The following INF2 variants were observed in gnomAD, a reference collection of about 807,000 sequenced individuals.
INF2 encodes the protein inverted formin-2.
A neutral mutation model predicts 123.5 loss-of-function variants in INF2; 43 were observed. The observed-to-expected ratio is 0.35, with a 90% CI of 0.27 to 0.45. The LOEUF is 0.45. Ranked by LOEUF, INF2 falls within the 20% of genes least tolerant of loss-of-function variation. The probability of loss-of-function intolerance (pLI) is 1.00; values close to 1 mark genes in which losing one functional copy is unlikely to be tolerated. For synonymous variants in INF2, 851 were observed against 745.0 expected (o/e 1.14, Z -2.32); for missense variants, 1,453 against 1,682.7 (o/e 0.86, Z 2.39).
At chr14:104,712,772 C>G in intron 17 of INF2, 56 bp from the exon 18 acceptor site, 2 of 1,541,108 alleles carry the variant, frequency 1.3e-6, no homozygotes, top group South Asian at 2.5e-5. Flanking sequence ...AGGGCCTCAC[C>G]CCGGGTGGTG....
At chr14:104,708,118 A>G (rs1201059472) in intron 8 of INF2, 116 bp downstream of exon 8, 2 of 1,499,424 alleles carry the variant, frequency 1.3e-6, no homozygotes, top group Admixed American at 1.9e-5. Context: ...GTGCGTGGCC[A>G]GGGCAGCCTG....
In INF2 at chr14:104,701,490, TCCAGATGC is replaced by T; in HGVS notation, c.128_135del (p.Gln43LeufsTer100). 6.2e-7 allele frequency: 1 copy of T among 1,604,050 alleles called. No homozygotes were observed. The highest frequency in any genetic ancestry group is 1.1e-5 in the South Asian group (1 of 89,448). ...GACCCCGAGCTGTGCATCCGGCTGC[TCCAGATGC>T]CCTCTGTGGTCAACTACTCCGGCCT... On this transcript the variant is annotated frameshift_variant, in exon 2 of 23. Transcript: ENST00000392634. LOFTEE classifies it high-confidence loss of function.
chr14:104,704,369 A>G (rs1411606219), intron 5 of INF2: 11 of 289,822 alleles, frequency 3.8e-5, no homozygotes, highest in Non-Finnish European at 7.0e-5. Context: ...TACAGGGTAC[A>G]GTGTTCGTCG....
Position 104,703,431 on chromosome 14 carries a change from C to T in INF2, c.644C>T (p.Thr215Ile). The change falls in exon 4 of 23, where the codon ACC (threonine) becomes ATC (isoleucine). Residue 215 changes from threonine to isoleucine, a missense_variant. Transcript: ENST00000392634. ...GGCCCCGAGGACCTGCGCGCGCGCA[C>T]CCAGCTGCGGAACGAGTTTATCGGT... is the stretch of plus-strand genomic sequence containing the variant. The part of the protein sequence containing the change: ...ILGPEDLRAR[T>I]QLRNEFIGLQ... 1.2e-6 allele frequency: 2 copies of T among 1,612,654 alleles called. No homozygotes were observed. The highest frequency in any genetic ancestry group is 1.7e-6 in the Non-Finnish European group (2 of 1,179,940).
intron 6 of INF2, among the ~76,000 whole-genome samples, chr14:104,706,593 C>CT (rs1257478495): frequency 1.3e-5 from 2 of 152,184 alleles, no homozygotes; most frequent in African/African-American, 4.8e-5. Flanking sequence ...TTCCCTGAAC[C>CT]TTGCAGCTCT....
chr14:104,712,148 G>A (rs1022146466), intron 16 of INF2, among the ~76,000 whole-genome samples: 2 of 152,064 alleles, frequency 1.3e-5, no homozygotes, highest in Non-Finnish European at 1.5e-5. Context: ...AGTTCTTCCC[G>A]GGCTCCACCT....
Position 104,704,356 on chromosome 14 carries a change from A to T in INF2, c.701+407A>T, listed in dbSNP as rs1595167479. The T allele has an allele frequency of 8.4e-6, 3 of 358,206 alleles. No homozygotes were observed. In the South Asian group the frequency reaches 1.0e-4, roughly 12 times the overall value. 22.2% of individuals were successfully genotyped at this position (358,206 alleles called of 1,614,324 possible). On this transcript the variant is annotated intron_variant, in intron 5 of 22. Transcript: ENST00000392634. ...GCTCCAGGGCGAGAGTTGAAAAACTACCTACAGGGTACAGTGTTCGTCGCT... is the reference window on the plus strand; with the variant it reads ...GCTCCAGGGCGAGAGTTGAAAAACTTCCTACAGGGTACAGTGTTCGTCGCT...
At chr14:104,695,953 G>C (rs1161408937) in intron 1 of INF2, among the ~76,000 whole-genome samples, 2 of 152,174 alleles carry the variant, frequency 1.3e-5, no homozygotes, top group Non-Finnish European at 2.9e-5. Flanking sequence ...GTGAGATGTT[G>C]CTGTCTTTTG....
chr14:104,717,114 A>C (rs1195101223), intron 22 of INF2, among the ~76,000 whole-genome samples: 1 of 152,230 alleles, frequency 6.6e-6, no homozygotes, highest in African/African-American at 2.4e-5. Flanking sequence ...CCATTTTGCT[A>C]CATTGCCCCC....
intron 22 of INF2, 29 bp from the exon 23 acceptor site, chr14:104,718,766 A>T (rs374763306): frequency 6.2e-7 from 1 of 1,612,020 alleles, no homozygotes; most frequent in Non-Finnish European, 8.5e-7. Flanking sequence ...AACTGCTCCT[A>T]ATAATGTCAT....
Position 104,689,738 on chromosome 14 carries a change from G to T in INF2, c.-11G>T. 2 of 985,150 alleles carry T rather than the reference G, an allele frequency of 2.0e-6. No individual in the cohort carries two copies. Among genetic ancestry groups the T allele is most frequent in the Non-Finnish European group, 2.4e-6 (2 of 829,872 alleles). 61.0% of individuals were successfully genotyped at this position (985,150 alleles called of 1,614,324 possible). ...ACCGCCCTCTGGCCGTTGCCTCACCGGGTAAGTCCTTGGCCTCGGGGTCCG... is the reference window on the plus strand; with the variant it reads ...ACCGCCCTCTGGCCGTTGCCTCACCTGGTAAGTCCTTGGCCTCGGGGTCCG... On this transcript the variant is annotated splice_region_variant and 5_prime_UTR_variant, in exon 1 of 23. Coordinates refer to ENST00000392634, the MANE Select transcript of INF2 (RefSeq NM_022489.4).
Position 104,714,703 on chromosome 14 carries a change from C to T in INF2, c.3541C>T (p.Pro1181Ser), listed in dbSNP as rs1890210513. The change falls in exon 21 of 23, where the codon CCA becomes TCA. Residue 1181 changes from proline to serine, a missense_variant. This residue lies in a region of INF2 where 344 missense variants were observed against 333.1 expected (regional missense o/e 1.03). Coordinates refer to ENST00000392634, the MANE Select transcript of INF2 (RefSeq NM_022489.4). ...DEDEDEEDTA[P>S]ESALDTSLDK... Reference sequence around the variant, plus strand: ...GGACGAGGACGAGGAGGACACGGCCCCAGAGTCCGCACTGGACACATCCCT... The same window carrying T: ...GGACGAGGACGAGGAGGACACGGCCTCAGAGTCCGCACTGGACACATCCCT... 6.2e-7 allele frequency: 1 copy of T among 1,610,366 alleles called. No homozygotes were observed. The highest frequency in any genetic ancestry group is 8.5e-7 in the Non-Finnish European group (1 of 1,178,302).
chr14:104,689,239 G>A (rs1420244179), upstream of INF2: 2 of 985,320 alleles, frequency 2.0e-6, no homozygotes, highest in Non-Finnish European at 2.4e-6. Context: ...GGCCGGGGCA[G>A]AGAGAGGTGA....
intron 13 of INF2, among the ~76,000 whole-genome samples, chr14:104,710,509 G>C: frequency 6.6e-6 from 1 of 151,436 alleles, no homozygotes; most frequent in Non-Finnish European, 1.5e-5. Flanking sequence ...ACCGCCACTC[G>C]GGCACGTGCA....
intron 1 of INF2, among the ~76,000 whole-genome samples, chr14:104,694,683 C>A (rs143055150): frequency 1.3e-5 from 2 of 152,294 alleles, no homozygotes; most frequent in Admixed American, 6.5e-5. Context: ...CGTCCCCCAC[C>A]CTGGGCCCTG....
At position 104,721,141 on chromosome 14, in the gene INF2, G is replaced by T. The variant is rs1890542276; in HGVS notation, c.*2348G>T. 1 of 145,456 alleles carries T rather than the reference G, an allele frequency of 6.9e-6. No homozygotes were observed. The allele number at this position is 145,456 out of a possible 1,614,324, so 9.0% of individuals were successfully genotyped here. A position where few individuals can be genotyped will look rare whatever the true frequency, so the allele number is the denominator to read the frequency against. ...TGTGGACGTCTGCGTCGTCCTCGAT[G>T]CTGCTGTGGACGTCTGCGTCGTCCT... On this transcript the variant is annotated 3_prime_UTR_variant, in exon 23 of 23. Transcript: ENST00000392634.
rs1168606203 is a variant in INF2 at position 104,706,859 on chromosome 14, C to T, written c.844-51C>T. The T allele has an allele frequency of 3.1e-6, 5 of 1,592,530 alleles. No homozygotes were observed. The East Asian group carries it at 1.1e-4, about 36-fold the overall frequency. On this transcript the variant is annotated intron_variant, in intron 6 of 22. Coordinates refer to ENST00000392634, the MANE Select transcript of INF2 (RefSeq NM_022489.4). ...TGGCAGACAGGCCACAGTCCTTAGT[C>T]CACCAGGGAGGGGCCGGCTGCTGAC... is the stretch of plus-strand genomic sequence containing the variant.
At position 104,712,943 on chromosome 14, in the gene INF2, C is replaced by A. The variant is rs201336550; in HGVS notation, c.2726C>A (p.Thr909Lys). ...GCCCAGCAGCTGTCCCTGGAGGACA[C>A]GTTCAGCACCATGAAGGCTTTCCGG... is the stretch of plus-strand genomic sequence containing the variant. ...EDAQQLSLEDTFSTMKAFRDL... is the reference protein window; with the variant it reads ...EDAQQLSLEDKFSTMKAFRDL... The change falls in exon 18 of 23, where the codon ACG (threonine) becomes AAG (lysine). Residue 909 changes from threonine (T) to lysine (K), a missense_variant. Thr to Lys is a moderately conservative substitution (Grantham distance 78). Around this residue, in one of 8 missense-constraint regions of INF2, gnomAD observed 212 missense variants for 266.2 expected, o/e 0.80. Transcript: ENST00000392634. The A allele has an allele frequency of 3.1e-6, 5 of 1,612,596 alleles. No individual in the cohort carries two copies. In the Admixed American group the frequency reaches 8.3e-5, roughly 27 times the overall value.
chr14:104,712,926 G>A lies in INF2; in HGVS notation c.2709G>A (p.Gln903=). 6.2e-7 allele frequency: 1 copy of A among 1,612,716 alleles called. No homozygotes were observed. The highest frequency in any genetic ancestry group is 8.5e-7 in the Non-Finnish European group (1 of 1,179,814). ...ACTACCTGTGTGAGGACGCCCAGCA[G>A]CTGTCCCTGGAGGACACGTTCAGCA... The part of the protein sequence containing the change: ...LADYLCEDAQ[Q]LSLEDTFSTM... Residue 903 remains glutamine (Q), a synonymous_variant, in exon 18 of 23, where the codon CAG becomes CAA. Coordinates refer to ENST00000392634, the MANE Select transcript of INF2 (RefSeq NM_022489.4).
Sources: gnomAD v4.1 joint callset for allele counts (sites outside exome capture counted in the v4.1 genomes callset) on GRCh38, gnomAD v4.1.1 for gene constraint, gnomAD v4.1.1 regional missense constraint, MANE v1.5 for transcripts, NCBI Gene and HGNC (gene_info 2026-07-23, HGNC 2026-07-21) for gene names.